GLYATL2: variants seen among roughly 807,000 people sequenced by gnomAD.
GLYATL2 encodes glycine N-acyltransferase-like protein 2.
GLYATL2 carries 25 observed loss-of-function variants against 21.4 expected under a neutral mutation model. The observed-to-expected ratio is 1.17, with a 90% CI of 0.85 to 1.63. The LOEUF is 1.63. Among genes scored for constraint, GLYATL2 ranks in the 40% most tolerant of loss-of-function variants. The pLI, the probability that GLYATL2 is intolerant of heterozygous loss-of-function variation, is 0.00. For synonymous variants in GLYATL2, 114 were observed against 118.2 expected (o/e 0.96, Z 0.23); for missense variants, 361 against 343.3 (o/e 1.05, Z -0.41).
intron 1 of GLYATL2, among the ~76,000 whole-genome samples, chr11:58,859,325 T>A (rs1001848447): frequency 1.9e-3 from 8 of 4,262 alleles, no homozygotes; most frequent in African/African-American, 2.1e-3. Flanking sequence ...TAGCATTCAT[T>A]CTCTCTCTCT....
intron 1 of GLYATL2, among the ~76,000 whole-genome samples, chr11:58,853,546 T>C (rs1039296476): frequency 6.6e-6 from 1 of 152,180 alleles, no homozygotes; most frequent in Non-Finnish European, 1.5e-5. Context: ...TATGTTTGGG[T>C]GGGCTCTGAC....
At chr11:58,892,736 G>A (rs1443608725) in intron 1 of GLYATL2, 5 of 349,020 alleles carry the variant, frequency 1.4e-5, no homozygotes, top group Non-Finnish European at 2.3e-5. Context: ...GCATTCAAGA[G>A]CATTCCTCTG....
intron 1 of GLYATL2, among the ~76,000 whole-genome samples, chr11:58,891,185 TC>T (rs1376496646): frequency 1.3e-5 from 2 of 152,182 alleles, no homozygotes; most frequent in African/African-American, 4.8e-5. Flanking sequence ...CACCATTTTT[TC>T]TTTTACTCTT....
chr11:58,868,062 C>A (rs916034854), intron 1 of GLYATL2, among the ~76,000 whole-genome samples: 1 of 148,726 alleles, frequency 6.7e-6, no homozygotes, highest in African/African-American at 2.4e-5. Flanking sequence ...AGCAGCCCTA[C>A]AGATGGGAGA....
intron 1 of GLYATL2, among the ~76,000 whole-genome samples, chr11:58,883,789 C>T (rs1006573970): frequency 6.6e-6 from 1 of 152,150 alleles, no homozygotes; most frequent in Non-Finnish European, 1.5e-5. Context: ...GACCAATATA[C>T]CAGATGAATA....
intron 1 of GLYATL2, among the ~76,000 whole-genome samples, chr11:58,880,611 C>T (rs1854315873): frequency 6.6e-6 from 1 of 151,868 alleles, no homozygotes; most frequent in Non-Finnish European, 1.5e-5. Context: ...AGGTGAGAAA[C>T]AGCAAAGAAA....
upstream of GLYATL2, among the ~76,000 whole-genome samples, chr11:58,906,454 C>G (rs1325476889): frequency 6.6e-6 from 1 of 152,050 alleles, no homozygotes; most frequent in African/African-American, 2.4e-5. Context: ...AACAGGAGAG[C>G]TCCTGTTCAA....
At chr11:58,885,629 A>G in intron 1 of GLYATL2, 1 of 291,578 alleles carries the variant, frequency 3.4e-6, no homozygotes, top group East Asian at 8.1e-5. Context: ...CTGCTTTTAT[A>G]GGGTGAAAGG....
At chr11:58,838,670 A>G (rs1565088067) in intron 2 of GLYATL2, among the ~76,000 whole-genome samples, 1 of 152,166 alleles carries the variant, frequency 6.6e-6, no homozygotes, top group Non-Finnish European at 1.5e-5. Flanking sequence ...TTATTTCATA[A>G]CACACTATTT....
chr11:58,872,454 T>G (rs1854141107), intron 1 of GLYATL2, among the ~76,000 whole-genome samples: 1 of 152,242 alleles, frequency 6.6e-6, no homozygotes. Context: ...CTTGAATTGA[T>G]TTTTGTATAA....
chr11:58,881,077 T>C (rs1055601269), intron 1 of GLYATL2, among the ~76,000 whole-genome samples: 1 of 152,232 alleles, frequency 6.6e-6, no homozygotes, highest in African/African-American at 2.4e-5. Context: ...TGGATTTAAT[T>C]GTTAAATCTA....
intron 1 of GLYATL2, among the ~76,000 whole-genome samples, chr11:58,902,650 C>T (rs763331182): frequency 2.6e-5 from 4 of 152,234 alleles, no homozygotes; most frequent in South Asian, 2.1e-4. Flanking sequence ...CCACCTCACC[C>T]GACCATGTGA....
intron 1 of GLYATL2, among the ~76,000 whole-genome samples, chr11:58,864,166 G>A (rs1853982935): frequency 6.6e-6 from 1 of 152,124 alleles, no homozygotes; most frequent in African/African-American, 2.4e-5. Flanking sequence ...TATCCACAGG[G>A]GTCAGCCTGG....
At chr11:58,835,858 C>A (rs973096032) in intron 5 of GLYATL2, among the ~76,000 whole-genome samples, 3 of 152,120 alleles carry the variant, frequency 2.0e-5, no homozygotes, top group African/African-American at 7.2e-5. Context: ...ATTATTTAAT[C>A]CCCATTTATC....
Position 58,867,547 on chromosome 11 carries a change from C to A in GLYATL2, n.61-29179G>T, listed in dbSNP as rs1052316498. Among the ~76,000 whole-genome samples, 4 of 148,702 alleles carry A rather than the reference C, an allele frequency of 2.7e-5. 1 individual carries two copies. Among genetic ancestry groups the A allele is most frequent in the Admixed American group, 6.9e-5 (1 of 14,432 alleles). ...AGATGGAAGAACATTCAAGACTAGC[C>A]AGCTGGAGAGACCTAGAATCAGAGG... On this transcript the variant is annotated intron_variant and non_coding_transcript_variant, in intron 1 of 4. Transcript: ENST00000533636.
intron 1 of GLYATL2, among the ~76,000 whole-genome samples, chr11:58,866,158 A>C (rs1162022557): frequency 6.7e-6 from 1 of 148,882 alleles, no homozygotes; most frequent in African/African-American, 2.4e-5. Context: ...AAGTACCTAA[A>C]CATCCCCTTT....
intron 1 of GLYATL2, among the ~76,000 whole-genome samples, chr11:58,901,706 T>C (rs1854743395): frequency 6.6e-6 from 1 of 152,094 alleles, no homozygotes; most frequent in Non-Finnish European, 1.5e-5. Flanking sequence ...CTGTGACCTC[T>C]AGCAAATTAT....
chr11:58,867,325 T>C (rs894955812), intron 1 of GLYATL2, among the ~76,000 whole-genome samples: 1 of 149,210 alleles, frequency 6.7e-6, no homozygotes, highest in Admixed American at 6.9e-5. Flanking sequence ...TATAAAGCAT[T>C]AATTCAGGGT....
At chr11:58,872,581 G>T (rs549817562) in intron 1 of GLYATL2, among the ~76,000 whole-genome samples, 2 of 152,374 alleles carry the variant, frequency 1.3e-5, no homozygotes, top group South Asian at 4.1e-4. Context: ...GTTTGTCAAA[G>T]ATCAGATAGC....
Sources: gnomAD v4.1 joint callset for allele counts (sites outside exome capture counted in the v4.1 genomes callset) on GRCh38, gnomAD v4.1.1 for gene constraint, MANE v1.5 for transcripts, NCBI Gene and HGNC (gene_info 2026-07-23, HGNC 2026-07-21) for gene names.